KCNH5: variants seen among roughly 807,000 people sequenced by gnomAD.
KCNH5 encodes voltage-gated delayed rectifier potassium channel KCNH5.
Under a neutral mutation model 96.1 loss-of-function variants are expected in KCNH5, and 46 were observed. That is an observed-to-expected ratio of 0.48 (90% CI 0.38 to 0.61). The LOEUF (loss-of-function observed/expected upper bound fraction) is 0.61. Ranked by LOEUF, KCNH5 falls within the 20% of genes least tolerant of loss-of-function variation. The pLI is 0.00. For synonymous variants in KCNH5, 439 were observed against 449.8 expected, an observed-to-expected ratio of 0.98 and a Z score of 0.30; for missense variants, 907 against 1,225.8, an observed-to-expected ratio of 0.74 and a Z score of 3.88.
intron 3 of KCNH5, among the ~76,000 whole-genome samples, chr14:63,002,115 G>T (rs112114541): frequency 6.6e-6 from 1 of 152,044 alleles, no homozygotes; most frequent in East Asian, 1.9e-4. Context: ...AAAAATAGAC[G>T]TGTCCCCAGC....
intron 7 of KCNH5, chr14:62,949,903 A>G (rs1447314405): frequency 2.4e-6 from 1 of 412,350 alleles, no homozygotes; most frequent in Non-Finnish European, 4.4e-6. Context: ...TCAAGAGAGC[A>G]CTGCTGGGTA....
At chr14:62,742,005 T>C (rs1885280728) in intron 10 of KCNH5, among the ~76,000 whole-genome samples, 1 of 152,172 alleles carries the variant, frequency 6.6e-6, no homozygotes, top group African/African-American at 2.4e-5. Flanking sequence ...ATGATCCACT[T>C]AGCCTCTGTG....
At chr14:62,742,165 A>C (rs1168218481) in intron 10 of KCNH5, among the ~76,000 whole-genome samples, 4 of 152,108 alleles carry the variant, frequency 2.6e-5, no homozygotes, top group African/African-American at 9.7e-5. Context: ...AAGTAGCAAA[A>C]AAGAATAGAG....
At chr14:62,712,148 A>G (rs1422080128) in intron 10 of KCNH5, 1 of 154,946 alleles carries the variant, frequency 6.5e-6, no homozygotes, top group East Asian at 1.9e-4. Flanking sequence ...AACCGCAAAC[A>G]GTAACACTTG....
chr14:62,938,932 T>C (rs1280687643), intron 7 of KCNH5, among the ~76,000 whole-genome samples: 1 of 152,264 alleles, frequency 6.6e-6, no homozygotes, highest in Admixed American at 6.5e-5. Flanking sequence ...TATATTTTGT[T>C]GAATTTGAAA....
At chr14:63,009,526 T>C (rs1260874775) in intron 2 of KCNH5, among the ~76,000 whole-genome samples, 1 of 152,230 alleles carries the variant, frequency 6.6e-6, no homozygotes, top group African/African-American at 2.4e-5. Flanking sequence ...TTTCATTTAT[T>C]ATACCGCATA....
intron 9 of KCNH5, among the ~76,000 whole-genome samples, chr14:62,792,078 G>T (rs777512704): frequency 6.6e-6 from 1 of 151,302 alleles, no homozygotes; most frequent in Non-Finnish European, 1.5e-5. Flanking sequence ...AACTGCAAGG[G>T]TCATAAAGTA....
intron 1 of KCNH5, among the ~76,000 whole-genome samples, chr14:63,033,750 T>C (rs146047527): frequency 6.6e-6 from 1 of 151,920 alleles, no homozygotes; most frequent in African/African-American, 2.4e-5. Flanking sequence ...TTCTTAGACA[T>C]TGTTAAGAAG....
chr14:62,960,842 T>A (rs1890192573), intron 6 of KCNH5, among the ~76,000 whole-genome samples: 1 of 152,212 alleles, frequency 6.6e-6, no homozygotes, highest in Admixed American at 6.5e-5. Flanking sequence ...CTGTAGAAGA[T>A]CTGAATTTAA....
intron 7 of KCNH5, among the ~76,000 whole-genome samples, chr14:62,882,100 TAAA>T (rs143123435): frequency 0.16 from 11,865 of 76,264 alleles, 926 homozygotes; most frequent in African/African-American, 0.22. Context: ...CCCCATTTCT[TAAA>T]AAAAAAAAAA....
chr14:62,817,861 A>T (rs1449662447), intron 8 of KCNH5, among the ~76,000 whole-genome samples: 1 of 132,144 alleles, frequency 7.6e-6, no homozygotes, highest in African/African-American at 2.9e-5. Flanking sequence ...ATACACATAC[A>T]TACATATACA....
intron 7 of KCNH5, among the ~76,000 whole-genome samples, chr14:62,870,847 T>C (rs7146868): frequency 0.2 from 29,707 of 152,176 alleles, 3,365 homozygotes; most frequent in African/African-American, 0.29. Flanking sequence ...AAATTAAAGG[T>C]GGAGAGGATA....
intron 10 of KCNH5, among the ~76,000 whole-genome samples, chr14:62,774,357 A>G (rs769884481): frequency 1.3e-5 from 2 of 152,198 alleles, no homozygotes; most frequent in Non-Finnish European, 2.9e-5. Context: ...AGAGCTACTC[A>G]TCAGTTAGTG....
intron 8 of KCNH5, among the ~76,000 whole-genome samples, chr14:62,805,607 G>C (rs558333740): frequency 6.6e-6 from 1 of 152,190 alleles, no homozygotes; most frequent in South Asian, 2.1e-4. Context: ...TGGTTTTAAG[G>C]GATGGAGTAA....
rs373981355 is a variant in KCNH5 at position 62,832,714 on chromosome 14, A to G, written c.1569+16939T>C. On this transcript the variant is annotated intron_variant, in intron 8 of 10. Coordinates refer to ENST00000322893, the MANE Select transcript of KCNH5 (RefSeq NM_139318.5). ...TCCATAGCAGCTATATCATTTTTAC[A>G]TTCCCACCAACAATATATAAGCATT... Among the ~76,000 whole-genome samples the G allele has an allele frequency of 6.6e-5, 10 of 152,272 alleles. 1 individual carries two copies. Among genetic ancestry groups the G allele is most frequent in the Admixed American group, 2.0e-4 (3 of 15,286 alleles).
intron 10 of KCNH5, among the ~76,000 whole-genome samples, chr14:62,768,231 CAAAG>C (rs1284398796): frequency 6.6e-6 from 1 of 151,910 alleles, no homozygotes; most frequent in African/African-American, 2.4e-5. Flanking sequence ...AAATTAAAAA[CAAAG>C]AAAAAGTAAA....
chr14:62,798,065 C>T (rs376095834), intron 9 of KCNH5, among the ~76,000 whole-genome samples: 1 of 152,046 alleles, frequency 6.6e-6, no homozygotes, highest in African/African-American at 2.4e-5. Context: ...AATCTTAATT[C>T]GAGTGCTAAA....
intron 9 of KCNH5, among the ~76,000 whole-genome samples, chr14:62,799,915 T>C (rs116371260): frequency 0.012 from 1,756 of 146,744 alleles, 34 homozygotes; most frequent in African/African-American, 0.041. Flanking sequence ...TCATTAAGCA[T>C]GCAATTATTT....
intron 7 of KCNH5, among the ~76,000 whole-genome samples, chr14:62,869,317 G>A (rs1888202342): frequency 6.6e-6 from 1 of 151,264 alleles, no homozygotes; most frequent in Non-Finnish European, 1.5e-5. Flanking sequence ...ATGTTTTTTG[G>A]CCATATAAAT....
Sources: allele counts gnomAD v4.1 joint callset (sites outside exome capture counted in the v4.1 genomes callset), GRCh38; gene constraint gnomAD v4.1.1; transcripts MANE v1.5; gene names NCBI Gene and HGNC (gene_info 2026-07-23, HGNC 2026-07-21).